Variants in PNPT1 observed in about 807,000 individuals in gnomAD.
PNPT1 encodes polyribonucleotide nucleotidyltransferase 1, mitochondrial.
A neutral mutation model predicts 119.5 loss-of-function variants in PNPT1; 53 were observed. The observed-to-expected ratio is 0.44, with a 90% confidence interval of 0.36 to 0.56. The LOEUF (loss-of-function observed/expected upper bound fraction) is 0.56, where lower values mean the gene tolerates loss of function less well. Ranked by LOEUF, PNPT1 falls within the 20% of genes least tolerant of loss-of-function variation. PNPT1 has a pLI of 0.00. For missense variants in PNPT1, 948 were observed against 938.5 expected, an observed-to-expected ratio of 1.01 and a Z score of -0.13; for synonymous variants, 357 against 322.1, an observed-to-expected ratio of 1.11 and a Z score of -1.16.
rs148929436 is a variant in PNPT1 at position 55,641,018 on chromosome 2, G to A, written c.2070-313C>T. On this transcript the variant is annotated intron_variant, in intron 25 of 27. Coordinates refer to ENST00000447944, the MANE Select transcript of PNPT1 (RefSeq NM_033109.5). ...AGGTGAGCAGATCACGAGGTCAAGA[G>A]ATCAACTCCACCCTGGCCAACATGG... is the stretch of plus-strand genomic sequence containing the variant. Among the ~76,000 whole-genome samples, 1,097 of 152,100 alleles carry A rather than the reference G, an allele frequency of 7.2e-3. 15 individuals are homozygous for A. Among genetic ancestry groups the A allele is most frequent in the African/African-American group, 0.025 (1,044 of 41,498 alleles).
intron 27 of PNPT1, among the ~76,000 whole-genome samples, 163 bp from the exon 28 acceptor site, chr2:55,636,555 A>G (rs1350165190): frequency 6.6e-6 from 1 of 152,254 alleles, no homozygotes; most frequent in Non-Finnish European, 1.5e-5. Context: ...CTTAACACAT[A>G]TAAGTAGTCA....
chr2:55,691,234 T>C (rs1331384959), intron 1 of PNPT1, among the ~76,000 whole-genome samples: 1 of 152,244 alleles, frequency 6.6e-6, no homozygotes, highest in African/African-American at 2.4e-5. Flanking sequence ...TCCTCAGTGA[T>C]TTGATACATA....
intron 8 of PNPT1, among the ~76,000 whole-genome samples, chr2:55,676,440 A>C (rs1172425918): frequency 6.6e-6 from 1 of 152,230 alleles, no homozygotes; most frequent in Non-Finnish European, 1.5e-5. Context: ...CAGAAATATT[A>C]GTGATATTAA....
intron 18 of PNPT1, among the ~76,000 whole-genome samples, chr2:55,650,397 G>C (rs906682688): frequency 6.6e-6 from 1 of 152,188 alleles, no homozygotes; most frequent in African/African-American, 2.4e-5. Flanking sequence ...CGCTAGCCTC[G>C]GCATCCTGAG....
At position 55,667,048 on chromosome 2, in the gene PNPT1, C is replaced by T. The variant is rs1559101252; in HGVS notation, c.1119G>A (p.Glu373=). ...DLTSLRNVSC[E]VDMFKTLHGS... is the part of the protein sequence containing the mutation. Reference sequence around the variant, plus strand: ...CATGAAGGGTTTTAAACATATCTACCTCACAACTTACATTCCTAAGTGAAG... The same window carrying T: ...CATGAAGGGTTTTAAACATATCTACTTCACAACTTACATTCCTAAGTGAAG... Residue 373 remains glutamate, a synonymous_variant, in exon 13 of 28, where the codon GAG becomes GAA. Coordinates refer to ENST00000447944, the MANE Select transcript of PNPT1 (RefSeq NM_033109.5). 6.2e-7 allele frequency: 1 copy of T among 1,611,362 alleles called. No individual in the cohort carries two copies. The highest frequency in any genetic ancestry group is 8.5e-7 in the Non-Finnish European group (1 of 1,178,796).
chr2:55,685,921 G>T (rs923446784), intron 3 of PNPT1, among the ~76,000 whole-genome samples: 1 of 151,954 alleles, frequency 6.6e-6, no homozygotes, highest in African/African-American at 2.4e-5. Flanking sequence ...TTTTTATACC[G>T]TATTGCGTAG....
intron 8 of PNPT1, among the ~76,000 whole-genome samples, chr2:55,676,262 C>CCAAA (rs1553500528): frequency 6.0e-5 from 5 of 82,842 alleles, no homozygotes; most frequent in Admixed American, 3.4e-4. Context: ...CCATCTCAAC[C>CCAAA]AAAAAAAAAA....
intron 26 of PNPT1, among the ~76,000 whole-genome samples, chr2:55,639,210 T>C (rs921061936): frequency 1.3e-5 from 2 of 152,212 alleles, no homozygotes; most frequent in African/African-American, 2.4e-5. Context: ...CTGATGAATA[T>C]AGGAGAAAGA....
At chr2:55,656,935 T>C (rs1017393758) in intron 15 of PNPT1, among the ~76,000 whole-genome samples, 2 of 152,236 alleles carry the variant, frequency 1.3e-5, no homozygotes, top group African/African-American at 4.8e-5. Context: ...GGTTTTATTT[T>C]AGCCAGTGGT....
chr2:55,675,370 T>C (rs1214506993), intron 8 of PNPT1, among the ~76,000 whole-genome samples: 1 of 152,066 alleles, frequency 6.6e-6, no homozygotes. Context: ...GGAGGATTGC[T>C]TGAGGCCAGG....
intron 4 of PNPT1, 69 bp from the exon 5 acceptor site, chr2:55,683,903 C>T: frequency 2.1e-6 from 3 of 1,439,304 alleles, no homozygotes; most frequent in South Asian, 2.4e-5. Context: ...AACGTTTGAA[C>T]TAATATAGAT....
intron 5 of PNPT1, 24 bp from the exon 6 acceptor site, chr2:55,680,942 T>C: frequency 6.3e-7 from 1 of 1,589,768 alleles, no homozygotes; most frequent in Non-Finnish European, 8.6e-7. Flanking sequence ...AAAAATTTGA[T>C]TTGGAAGGGT....
At chr2:55,686,726 T>G (rs1436179140) in intron 2 of PNPT1, among the ~76,000 whole-genome samples, 2 of 152,142 alleles carry the variant, frequency 1.3e-5, no homozygotes, top group Non-Finnish European at 2.9e-5. Context: ...AAGGAAAAAT[T>G]CCCCAATTAT....
At chr2:55,687,523 T>G in intron 2 of PNPT1, 122 bp downstream of exon 2, 1 of 689,902 alleles carries the variant, frequency 1.4e-6, no homozygotes, top group Non-Finnish European at 2.4e-6. Context: ...ATTATCTTAG[T>G]AGTATCTGAA....
At chr2:55,650,464 G>A (rs1319818314) in intron 18 of PNPT1, among the ~76,000 whole-genome samples, 1 of 152,204 alleles carries the variant, frequency 6.6e-6, no homozygotes, top group Admixed American at 6.5e-5. Flanking sequence ...GCCCAGGCTG[G>A]AGTGCAGTGG....
At chr2:55,688,149 T>C (rs1697474528) in intron 1 of PNPT1, among the ~76,000 whole-genome samples, 1 of 151,948 alleles carries the variant, frequency 6.6e-6, no homozygotes, top group Non-Finnish European at 1.5e-5. Flanking sequence ...GCTCAAGCGA[T>C]CCTCCAACTC....
chr2:55,688,456 T>C (rs1398949467), intron 1 of PNPT1, among the ~76,000 whole-genome samples: 1 of 151,784 alleles, frequency 6.6e-6, no homozygotes, highest in African/African-American at 2.4e-5. Flanking sequence ...AGGCGTGGTG[T>C]CTCCCACCTG....
chr2:55,654,502 T>C (rs1433389807), intron 18 of PNPT1, among the ~76,000 whole-genome samples: 1 of 152,186 alleles, frequency 6.6e-6, no homozygotes, highest in Non-Finnish European at 1.5e-5. Context: ...GCTCTCTACC[T>C]TTTGGAAGGA....
At chr2:55,669,008 C>A (rs890691501) in intron 11 of PNPT1, among the ~76,000 whole-genome samples, 2 of 152,152 alleles carry the variant, frequency 1.3e-5, no homozygotes, top group African/African-American at 4.8e-5. Flanking sequence ...AAACTGTTTT[C>A]TATCTAATAT....
Sources: allele counts gnomAD v4.1 joint callset (sites outside exome capture counted in the v4.1 genomes callset), GRCh38; gene constraint gnomAD v4.1.1; transcripts MANE v1.5; gene names NCBI Gene and HGNC (gene_info 2026-07-23, HGNC 2026-07-21).